Variants in ALG3 observed in about 807,000 individuals in gnomAD.
The protein encoded by ALG3 is dol-P-Man:Man(5)GlcNAc(2)-PP-Dol alpha-1,3-mannosyltransferase.
ALG3 carries 39 observed loss-of-function variants against 50.5 expected under a neutral mutation model. That is an observed-to-expected ratio of 0.77 (90% CI 0.60 to 1.01). The LOEUF (loss-of-function observed/expected upper bound fraction) is 1.01. Ranked by LOEUF, ALG3 falls within the 50% of genes least tolerant of loss-of-function variation. The probability of loss-of-function intolerance (pLI) is 0.00; values close to 1 mark genes in which losing one functional copy is unlikely to be tolerated. For synonymous variants in ALG3, 252 were observed against 237.2 expected (o/e 1.06, Z -0.58); for missense variants, 520 against 554.8 (o/e 0.94, Z 0.63).
chr3:184,245,643 G>A, intron 2 of ALG3, 28 bp from the exon 3 acceptor site: 2 of 1,611,660 alleles, frequency 1.2e-6, no homozygotes, highest in Non-Finnish European at 1.7e-6. Flanking sequence ...ATGTGAGCCT[G>A]GGTCAGGTCA....
Position 184,242,411 on chromosome 3 carries a change from G to C in ALG3, c.*103C>G. On this transcript the variant is annotated 3_prime_UTR_variant, in exon 9 of 9. Transcript: ENST00000397676. ...CATCGGCTGCCCCCACCTCCATGTA[G>C]GTTGCACAGAGTTGGACTTAGCAAG... is the stretch of plus-strand genomic sequence containing the variant. 7.1e-7 allele frequency: 1 copy of C among 1,404,292 alleles called. No individual in the cohort carries two copies. The highest frequency in any genetic ancestry group is 2.5e-5 in the East Asian group (1 of 40,536). 87.0% of individuals were successfully genotyped at this position (1,404,292 alleles called of 1,614,324 possible).
At chr3:184,245,863 C>T in intron 1 of ALG3, 51 bp from the exon 2 acceptor site, 1 of 1,426,394 alleles carries the variant, frequency 7.0e-7, no homozygotes, top group Non-Finnish European at 9.8e-7. Flanking sequence ...AACTTGTCTG[C>T]CACCCTCCCC....
chr3:184,244,090 A>G, intron 5 of ALG3, 94 bp from the exon 6 acceptor site: 1 of 1,232,030 alleles, frequency 8.1e-7, no homozygotes, highest in Admixed American at 2.3e-5. Context: ...ACGGGGATGT[A>G]GGCCTCAGAG....
chr3:184,248,734 G>A lies in ALG3; in HGVS notation c.196+11C>T, dbSNP rs1174954481. 3 of 555,584 alleles carry A rather than the reference G, an allele frequency of 5.4e-6. No individual in the cohort carries two copies. The highest frequency in any genetic ancestry group is 5.9e-5 in the East Asian group (1 of 16,822). The allele number at this position is 555,584 out of a possible 1,614,324, so 34.4% of individuals were successfully genotyped here. A position where few individuals can be genotyped will look rare whatever the true frequency, so the allele number is the denominator to read the frequency against. On this transcript the variant is annotated intron_variant, in intron 1 of 8. Coordinates refer to ENST00000397676, the MANE Select transcript of ALG3 (RefSeq NM_005787.6). ...CCCTCCCTCCCCTCCCCTCCCCCTC[G>A]GCGCACTCACATGCCACCCTGTGAA... is the stretch of plus-strand genomic sequence containing the variant.
chr3:184,248,620 G>A (rs1344116467), intron 1 of ALG3, 125 bp downstream of exon 1: 6 of 880,756 alleles, frequency 6.8e-6, no homozygotes, highest in Non-Finnish European at 1.0e-5. Flanking sequence ...AAGGGATATG[G>A]ATGGGTTCGC....
intron 5 of ALG3, 43 bp from the exon 6 acceptor site, chr3:184,244,039 C>T (rs1276440207): frequency 6.3e-7 from 1 of 1,580,210 alleles, no homozygotes; most frequent in Non-Finnish European, 8.7e-7. Flanking sequence ...AAGGCTCATT[C>T]CCAATGACCA....
rs1718985510 is a variant in ALG3 at position 184,243,960 on chromosome 3, T to C, written c.763A>G (p.Ser255Gly). ...TCAAAGGAGCGGGACAGGTAGCCGC[T>C]GGGGTTCTCCAGCAGGAAGGGCAGC... ...LGLPFLLENP[S>G]GYLSRSFDLG... Residue 255 changes from serine (S) to glycine (G), a missense_variant, in exon 6 of 9, where the codon AGC (serine) becomes GGC (glycine). Transcript: ENST00000397676. The C allele has an allele frequency of 1.2e-6, 2 of 1,613,552 alleles. No homozygotes were observed. Among genetic ancestry groups the C allele is most frequent in the East Asian group, 2.2e-5 (1 of 44,878 alleles).
rs767695697 is a variant in ALG3, at chr3:184,248,900, G to A, written c.41C>T (p.Ala14Val). Residue 14 changes from alanine to valine, a missense_variant, in exon 1 of 9, where the codon GCG (alanine) becomes GTG (valine). Around this residue, in one of 3 missense-constraint regions of ALG3, gnomAD observed 290 missense variants for 265.9 expected, o/e 1.09. Coordinates refer to ENST00000397676, the MANE Select transcript of ALG3 (RefSeq NM_005787.6). ...CTTGCAGAGTCCCTCTGCCTGGGCCGCGGAACCGGACCGGCCGCGTTTCCG... is the reference window on the plus strand; with the variant it reads ...CTTGCAGAGTCCCTCTGCCTGGGCCACGGAACCGGACCGGCCGCGTTTCCG... The part of the protein sequence containing the change: ...GLRKRGRSGS[A>V]AQAEGLCKQW... The A allele has an allele frequency of 3.8e-6, 6 of 1,599,724 alleles. No homozygotes were observed. In the South Asian group the frequency reaches 4.4e-5, roughly 12 times the overall value.
chr3:184,245,617 T>C lies in ALG3; in HGVS notation c.297-2A>G. On this transcript the variant is annotated splice_acceptor_variant, in intron 2 of 8. Transcript: ENST00000397676. LOFTEE classifies it high-confidence loss of function. The stretch of plus-strand genomic sequence containing the variant: ...ATGTACACGAAACCAGCTGGGTACC[T>C]GGAAGATGAGAGAAAATGTGAGCCT... The C allele has an allele frequency of 6.2e-7, 1 of 1,612,600 alleles. No homozygotes were observed. The highest frequency in any genetic ancestry group is 8.5e-7 in the Non-Finnish European group (1 of 1,179,238).
Position 184,242,441 on chromosome 3 carries a change from A to G in ALG3, c.*73T>C. On this transcript the variant is annotated 3_prime_UTR_variant, in exon 9 of 9. Coordinates refer to ENST00000397676, the MANE Select transcript of ALG3 (RefSeq NM_005787.6). ...CACAGAGTTGGACTTAGCAAGGTTT[A>G]TTTGGAAGGGCAGAGTCCAACCAAC... 6.5e-7 allele frequency: 1 copy of G among 1,548,014 alleles called. No individual in the cohort carries two copies. The highest frequency in any genetic ancestry group is 8.8e-7 in the Non-Finnish European group (1 of 1,138,904).
At position 184,248,775 on chromosome 3, in the gene ALG3, T is replaced by C; in HGVS notation, c.166A>G (p.Ile56Val). 1 of 1,597,434 alleles carries C rather than the reference T, an allele frequency of 6.3e-7. No homozygotes were observed. The highest frequency in any genetic ancestry group is 8.6e-7 in the Non-Finnish European group (1 of 1,169,488). ...ACCCTGTGAATGACCCAGAAGGTGA[T>C]GCCCACCTCCGCCAGGCAGAGGCAG... ...AACLCLAEVG[I>V]TFWVIHRVAY... The change falls in exon 1 of 9, where the codon ATC becomes GTC. Residue 56 changes from isoleucine (I) to valine (V), a missense_variant. Physicochemically the swap from Ile to Val is conservative, Grantham distance 29. This residue lies in a region of ALG3 where 290 missense variants were observed against 265.9 expected (regional missense o/e 1.09). Transcript: ENST00000397676.
chr3:184,248,377 T>C (rs1277820889), intron 1 of ALG3, among the ~76,000 whole-genome samples: 2 of 152,066 alleles, frequency 1.3e-5, no homozygotes, highest in Non-Finnish European at 2.9e-5. Context: ...CGTTCAAAGA[T>C]CACAGAACTG....
chr3:184,243,139 T>G (rs1361637405), intron 7 of ALG3, 182 bp from the exon 8 acceptor site: 3 of 818,236 alleles, frequency 3.7e-6, no homozygotes, highest in Non-Finnish European at 5.7e-6. Flanking sequence ...ATGGAGAGAG[T>G]AATACCTAGG....
At chr3:184,249,096 T>A, upstream of ALG3, 1 of 1,468,076 alleles carries the variant, frequency 6.8e-7, no homozygotes, top group Non-Finnish European at 9.3e-7. Flanking sequence ...TTTTCTGCAT[T>A]TGTCTCCTCT....
Position 184,245,727 on chromosome 3 carries a change from G to A in ALG3, c.282C>T (p.Asp94=). 1 of 1,613,408 alleles carries A rather than the reference G, an allele frequency of 6.2e-7. No homozygotes were observed. The highest frequency in any genetic ancestry group is 8.5e-7 in the Non-Finnish European group (1 of 1,179,408). ...TCCCCACTCACACAAGTGGTCCGGTGTCACCCTGCAGTTGGGTATAGTCAT... is the reference window on the plus strand; with the variant it reads ...TCCCCACTCACACAAGTGGTCCGGTATCACCCTGCAGTTGGGTATAGTCAT... ...GTYDYTQLQG[D]TGPLVYPAGF... is the part of the protein sequence containing the mutation. Residue 94 remains aspartate (D), a synonymous_variant, in exon 2 of 9, where the codon GAC becomes GAT. Coordinates refer to ENST00000397676, the MANE Select transcript of ALG3 (RefSeq NM_005787.6).
At position 184,242,860 on chromosome 3, in the gene ALG3, G is replaced by A. The variant is rs753913644; in HGVS notation, c.1107C>T (p.Pro369=). 4.5e-5 allele frequency: 73 copies of A among 1,613,820 alleles called. No individual in the cohort carries two copies. Among genetic ancestry groups the A allele is most frequent in the Non-Finnish European group, 5.8e-5 (68 of 1,179,912 alleles). ...QFYVWYFHTL[P]YLLWAMPARW... ...GTGCAGGCATGGCCCACAGGAGGTA[G>A]GGCAGTGTGTGGAAATACCAGACGT... The change falls in exon 8 of 9, where the codon CCC becomes CCT. Residue 369 remains proline, a synonymous_variant. Coordinates refer to ENST00000397676, the MANE Select transcript of ALG3 (RefSeq NM_005787.6).
intron 1 of ALG3, 33 bp downstream of exon 1, chr3:184,248,712 T>TGCCAA: frequency 1.5e-6 from 1 of 679,026 alleles, no homozygotes. Context: ...CAGGTCTCCC[T>TGCCAA]CCCTCCCCTC....
At chr3:184,247,865 A>G (rs899227438) in intron 1 of ALG3, among the ~76,000 whole-genome samples, 1 of 142,928 alleles carries the variant, frequency 7.0e-6, no homozygotes, top group African/African-American at 2.7e-5. Context: ...TTTTTTTTTG[A>G]GACGGAGTCT....
chr3:184,246,536 C>G (rs1719159259), intron 1 of ALG3, among the ~76,000 whole-genome samples: 1 of 152,198 alleles, frequency 6.6e-6, no homozygotes, highest in African/African-American at 2.4e-5. Context: ...AATTATCATG[C>G]TATCTTCTTA....
Sources: allele counts gnomAD v4.1 joint callset (sites outside exome capture counted in the v4.1 genomes callset), GRCh38; gene constraint gnomAD v4.1.1; regional missense constraint gnomAD v4.1.1; transcripts MANE v1.5; gene names NCBI Gene and HGNC (gene_info 2026-07-23, HGNC 2026-07-21).